Variants in CNTN4 observed in about 807,000 individuals in gnomAD.
The protein encoded by CNTN4 is contactin 4.
A neutral mutation model predicts 122.5 loss-of-function variants in CNTN4; 77 were observed. The observed-to-expected ratio is 0.63, with a 90% CI of 0.52 to 0.76. The LOEUF (loss-of-function observed/expected upper bound fraction) is 0.76. Among genes scored for constraint, CNTN4 ranks in the 30% least tolerant of loss-of-function variants. The probability of loss-of-function intolerance (pLI) is 0.00; values close to 1 mark genes in which losing one functional copy is unlikely to be tolerated. For missense variants in CNTN4, 1,256 were observed against 1,259.1 expected (o/e 1.00, Z 0.04); for synonymous variants, 512 against 447.0 (o/e 1.15, Z -1.83).
chr3:2,747,768 T>G (rs1332482080), intron 6 of CNTN4, among the ~76,000 whole-genome samples: 1 of 152,214 alleles, frequency 6.6e-6, no homozygotes, highest in Non-Finnish European at 1.5e-5. Flanking sequence ...TGGCTGATCA[T>G]CATTTGGTTT....
chr3:2,906,813 C>A lies in CNTN4; in HGVS notation c.1207+3808C>A, dbSNP rs566071467. ...GAGCCAAGATCGTGTCATTGCACTC[C>A]GGCCTGGGCAACAAGAGTGAAACTC... is the stretch of plus-strand genomic sequence containing the variant. On this transcript the variant is annotated intron_variant, in intron 12 of 24. Coordinates refer to ENST00000418658, the MANE Select transcript of CNTN4 (RefSeq NM_175607.3). Among the ~76,000 whole-genome samples the A allele has an allele frequency of 2.3e-3, 344 of 149,090 alleles. 1 individual carries two copies. Among genetic ancestry groups the A allele is most frequent in the African/African-American group, 8.1e-3 (329 of 40,432 alleles).
At chr3:3,043,882 G>A (rs1700383077) in intron 23 of CNTN4, among the ~76,000 whole-genome samples, 178 bp downstream of exon 23, 1 of 152,114 alleles carries the variant, frequency 6.6e-6, no homozygotes, top group African/African-American at 2.4e-5. Flanking sequence ...ATGGCAATTG[G>A]TCAGGATTTA....
At chr3:2,413,590 C>A (rs927654236) in intron 3 of CNTN4, among the ~76,000 whole-genome samples, 1 of 151,770 alleles carries the variant, frequency 6.6e-6, no homozygotes, top group Non-Finnish European at 1.5e-5. Flanking sequence ...GTTGCCCAGG[C>A]TGAAGGGCAG....
intron 2 of CNTN4, among the ~76,000 whole-genome samples, chr3:2,300,107 C>G (rs1481828351): frequency 1.3e-5 from 2 of 152,070 alleles, no homozygotes; most frequent in African/African-American, 4.8e-5. Flanking sequence ...TAGTGGTATG[C>G]TTACTTGAGA....
intron 4 of CNTN4, among the ~76,000 whole-genome samples, chr3:2,588,195 C>G (rs2149629304): frequency 6.6e-6 from 1 of 152,244 alleles, no homozygotes; most frequent in South Asian, 2.1e-4. Context: ...TCAGAAGACT[C>G]TGCTCCTGAG....
At chr3:2,489,164 A>G (rs530983692) in intron 3 of CNTN4, among the ~76,000 whole-genome samples, 2 of 152,202 alleles carry the variant, frequency 1.3e-5, no homozygotes, top group Non-Finnish European at 2.9e-5. Flanking sequence ...TTGAACGGGA[A>G]CTTATGCCAG....
intron 3 of CNTN4, among the ~76,000 whole-genome samples, chr3:2,360,346 G>C (rs904223251): frequency 1.3e-5 from 2 of 151,968 alleles, no homozygotes; most frequent in Non-Finnish European, 2.9e-5. Context: ...GGAATCCTTA[G>C]GGTTTTCCTT....
At chr3:3,012,291 G>A (rs554397484) in intron 14 of CNTN4, among the ~76,000 whole-genome samples, 3 of 152,068 alleles carry the variant, frequency 2.0e-5, no homozygotes, top group Admixed American at 6.5e-5. Flanking sequence ...TTGAGATCAC[G>A]TAGGGCATTC....
chr3:2,596,713 G>A (rs376756456), intron 4 of CNTN4, among the ~76,000 whole-genome samples: 1 of 152,050 alleles, frequency 6.6e-6, no homozygotes, highest in African/African-American at 2.4e-5. Flanking sequence ...GTGGAAGCAG[G>A]ATTTGAATCT....
chr3:2,137,475 C>T (rs891451528), intron 2 of CNTN4, among the ~76,000 whole-genome samples: 9 of 150,886 alleles, frequency 6.0e-5, no homozygotes, highest in African/African-American at 2.2e-4. Flanking sequence ...ATTTTCATTC[C>T]TTGTGAATGA....
At chr3:2,201,883 G>A (rs1036134027) in intron 2 of CNTN4, among the ~76,000 whole-genome samples, 5 of 152,056 alleles carry the variant, frequency 3.3e-5, no homozygotes, top group Non-Finnish European at 7.4e-5. Context: ...CTGACATAAT[G>A]CATGATTTGG....
chr3:2,792,037 C>A (rs115637637), intron 6 of CNTN4, among the ~76,000 whole-genome samples: 140 of 152,272 alleles, frequency 9.2e-4, no homozygotes, highest in African/African-American at 3.2e-3. Context: ...ACACATTTAC[C>A]TGTGTACCTG....
intron 4 of CNTN4, among the ~76,000 whole-genome samples, chr3:2,667,440 T>C (rs2084236541): frequency 6.6e-6 from 1 of 152,172 alleles, no homozygotes; most frequent in African/African-American, 2.4e-5. Flanking sequence ...ATGGGGTTGT[T>C]TGACTTTTTC....
rs758106295 is a variant in CNTN4 at position 2,988,425 on chromosome 3, C to T, written c.1439C>T (p.Thr480Ile). 15 of 1,613,796 alleles carry T rather than the reference C, an allele frequency of 9.3e-6. No homozygotes were observed. The highest frequency in any genetic ancestry group is 1.2e-5 in the Non-Finnish European group (14 of 1,179,798). The change falls in exon 14 of 25, where the codon ACT becomes ATT. Residue 480 changes from threonine (T) to isoleucine (I), a missense_variant. Physicochemically the swap from Thr to Ile is moderately conservative, Grantham distance 89. Transcript: ENST00000418658. ...SDAGSYTCIA[T>I]NHFGTASSTG... is the part of the protein sequence containing the mutation. ...GCTGGGAGTTATACCTGTATAGCCA[C>T]TAACCATTTTGGAACTGCTAGCAGT...
intron 2 of CNTN4, among the ~76,000 whole-genome samples, chr3:2,222,325 G>C (rs1275331139): frequency 6.6e-6 from 1 of 152,114 alleles, no homozygotes; most frequent in African/African-American, 2.4e-5. Context: ...CTGTTTATAT[G>C]ACATGTCCAC....
rs1161783416 is a variant in CNTN4 at position 2,938,163 on chromosome 3, T to C, written c.1358+12384T>C. On this transcript the variant is annotated intron_variant, in intron 13 of 24. Coordinates refer to ENST00000418658, the MANE Select transcript of CNTN4 (RefSeq NM_175607.3). ...CTTTGATCTCTCGTTATATCACTAA[T>C]GTATTTTTGAATACATTTGAGGCTT... 2.0e-5 allele frequency among the ~76,000 whole-genome samples: 3 copies of C among 152,370 alleles called. No individual in the cohort carries two copies. The East Asian group carries it at 5.8e-4, about 29-fold the overall frequency.
intron 2 of CNTN4, among the ~76,000 whole-genome samples, chr3:2,310,574 A>C (rs2042878200): frequency 1.3e-5 from 2 of 152,096 alleles, no homozygotes; most frequent in South Asian, 4.1e-4. Context: ...CCTTATTTTT[A>C]GTTTTATGCC....
chr3:2,120,772 A>G (rs150196032), intron 2 of CNTN4, among the ~76,000 whole-genome samples: 1,882 of 151,688 alleles, frequency 0.012, 16 homozygotes, highest in South Asian at 0.021. Context: ...TGGCTCATCA[A>G]TATTTGTCTA....
chr3:2,246,345 TAAGG>T (rs1314359575), intron 2 of CNTN4, among the ~76,000 whole-genome samples: 1 of 152,000 alleles, frequency 6.6e-6, no homozygotes, highest in Admixed American at 6.6e-5. Flanking sequence ...GTGGGGATAA[TAAGG>T]AAAGCATTTT....
Sources: gnomAD v4.1 joint callset for allele counts (sites outside exome capture counted in the v4.1 genomes callset) on GRCh38, gnomAD v4.1.1 for gene constraint, MANE v1.5 for transcripts, NCBI Gene and HGNC (gene_info 2026-07-23, HGNC 2026-07-21) for gene names.